Variants in ADAMTS3 observed in about 807,000 individuals in gnomAD.
The protein encoded by ADAMTS3 is ADAM metallopeptidase with thrombospondin type 1 motif 3, also known as A disintegrin and metalloproteinase with thrombospondin motifs 3.
Under a neutral mutation model 129.0 loss-of-function variants are expected in ADAMTS3, and 73 were observed. That is an observed-to-expected ratio of 0.57 (90% CI 0.47 to 0.69). The LOEUF (loss-of-function observed/expected upper bound fraction) is 0.69, where lower values mean the gene tolerates loss of function less well. Ranked by LOEUF, ADAMTS3 falls within the 30% of genes least tolerant of loss-of-function variation. ADAMTS3 has a pLI of 0.00. For synonymous variants in ADAMTS3, 477 were observed against 510.8 expected, an observed-to-expected ratio of 0.93 and a Z score of 0.89; for missense variants, 1,457 against 1,514.5, an observed-to-expected ratio of 0.96 and a Z score of 0.63.
chr4:72,388,090 A>G (rs758317394), intron 4 of ADAMTS3, among the ~76,000 whole-genome samples: 12 of 152,208 alleles, frequency 7.9e-5, no homozygotes, highest in African/African-American at 2.9e-4. Context: ...TTCCATTAGC[A>G]TAAGGTAAAA....
intron 3 of ADAMTS3, among the ~76,000 whole-genome samples, chr4:72,439,441 G>A (rs1489052640): frequency 1.3e-5 from 2 of 151,358 alleles, no homozygotes; most frequent in Non-Finnish European, 3.0e-5. Flanking sequence ...CATGAGTAAG[G>A]CCTTAGTCAA....
chr4:72,553,547 C>G (rs1266041117), intron 2 of ADAMTS3, among the ~76,000 whole-genome samples: 1 of 152,138 alleles, frequency 6.6e-6, no homozygotes, highest in Non-Finnish European at 1.5e-5. Flanking sequence ...GAGCCTTTAA[C>G]CTGCTCCTGC....
rs2109976986 is a variant in ADAMTS3, at chr4:72,456,030, TTAC to T, written c.505-41062_505-41060del. Among the ~76,000 whole-genome samples, 2 of 39,658 alleles carry T rather than the reference TTAC, an allele frequency of 5.0e-5. 1 individual carries two copies. Among genetic ancestry groups the T allele is most frequent in the Non-Finnish European group, 9.2e-5 (2 of 21,664 alleles). 26.0% of individuals were successfully genotyped at this position (39,658 alleles called of 152,430 possible). A position where few individuals can be genotyped will look rare whatever the true frequency, so the allele number is the denominator to read the frequency against. The stretch of plus-strand genomic sequence containing the variant: ...ATAGTATATATACTATATATATATT[TTAC>T]ATATAGTATATATACTATATATATA... On this transcript the variant is annotated intron_variant, in intron 3 of 21. Transcript: ENST00000286657.
In ADAMTS3 at chr4:72,456,049, T is replaced by C. The variant is rs1462684141; in HGVS notation, c.505-41078A>G. On this transcript the variant is annotated intron_variant, in intron 3 of 21. Coordinates refer to ENST00000286657, the MANE Select transcript of ADAMTS3 (RefSeq NM_014243.3). ...TATATTTTACATATAGTATATATAC[T>C]ATATATATATTTTACATATAGTATA... Among the ~76,000 whole-genome samples, 5 of 17,500 alleles carry C rather than the reference T, an allele frequency of 2.9e-4. 1 individual carries two copies. Among genetic ancestry groups the C allele is most frequent in the African/African-American group, 8.7e-4 (5 of 5,744 alleles). 11.5% of individuals were successfully genotyped at this position (17,500 alleles called of 152,430 possible). A position where few individuals can be genotyped will look rare whatever the true frequency, so the allele number is the denominator to read the frequency against.
In ADAMTS3 at chr4:72,490,145, C is replaced by T. The variant is rs140925885; in HGVS notation, c.504+58333G>A. Among the ~76,000 whole-genome samples the T allele has an allele frequency of 3.0e-3, 463 of 151,932 alleles. 5 individuals are homozygous for T. Among genetic ancestry groups the T allele is most frequent in the African/African-American group, 0.011 (447 of 41,478 alleles). ...GAGCACTTTTTCATATACCTATTGG[C>T]CATTTGTTGTCTTCTATTGAGAAAT... On this transcript the variant is annotated intron_variant, in intron 3 of 21. Coordinates refer to ENST00000286657, the MANE Select transcript of ADAMTS3 (RefSeq NM_014243.3).
rs115686389 is a variant in ADAMTS3 at position 72,348,577 on chromosome 4, C to T, written c.662-8884G>A. Among the ~76,000 whole-genome samples the T allele has an allele frequency of 4.5e-3, 691 of 152,036 alleles. 4 individuals carry two copies. The highest frequency in any genetic ancestry group is 0.016 in the African/African-American group (659 of 41,476). On this transcript the variant is annotated intron_variant, in intron 4 of 21. Coordinates refer to ENST00000286657, the MANE Select transcript of ADAMTS3 (RefSeq NM_014243.3). ...TGCCTTTGATGAGGTATCATTCCTA[C>T]GATTATGTTATGTTATATGGTACAA...
At chr4:72,337,924 A>T (rs570718166) in intron 5 of ADAMTS3, among the ~76,000 whole-genome samples, 1 of 152,266 alleles carries the variant, frequency 6.6e-6, no homozygotes, top group South Asian at 2.1e-4. Context: ...TTTGCAAGCC[A>T]AATAAGTCTG....
rs1311203681 is a variant in ADAMTS3 at position 72,530,418 on chromosome 4, T to A, written c.504+18060A>T. ...ACATATATGAATTTAATATATAATA[T>A]ATATTAAATTAATATATGTTAATTT... On this transcript the variant is annotated intron_variant, in intron 3 of 21. Transcript: ENST00000286657. 2.1e-4 allele frequency among the ~76,000 whole-genome samples: 18 copies of A among 84,878 alleles called. No homozygotes were observed. The East Asian group carries it at 6.0e-3, about 28-fold the overall frequency. The allele number at this position is 84,878 out of a possible 152,430, so 55.7% of individuals were successfully genotyped here. A position where few individuals can be genotyped will look rare whatever the true frequency, so the allele number is the denominator to read the frequency against.
At chr4:72,399,616 A>G (rs1242086962) in intron 4 of ADAMTS3, among the ~76,000 whole-genome samples, 3 of 151,998 alleles carry the variant, frequency 2.0e-5, no homozygotes, top group Admixed American at 6.6e-5. Context: ...CCTATTTTAT[A>G]TAATTCTTGG....
At chr4:72,357,504 A>T (rs563111014) in intron 4 of ADAMTS3, among the ~76,000 whole-genome samples, 6 of 152,092 alleles carry the variant, frequency 3.9e-5, no homozygotes, top group Non-Finnish European at 8.8e-5. Context: ...GTTAAGTAAG[A>T]GCAGCCAGAT....
chr4:72,515,899 G>T (rs1161779260), intron 3 of ADAMTS3, among the ~76,000 whole-genome samples: 1 of 152,222 alleles, frequency 6.6e-6, no homozygotes, highest in East Asian at 1.9e-4. Context: ...TTTTAGACAT[G>T]AAGTCCTTGT....
At chr4:72,468,043 G>C (rs1473079612) in intron 3 of ADAMTS3, among the ~76,000 whole-genome samples, 1 of 151,824 alleles carries the variant, frequency 6.6e-6, no homozygotes, top group Non-Finnish European at 1.5e-5. Context: ...CTCAAAATTA[G>C]AATCATATAA....
intron 3 of ADAMTS3, among the ~76,000 whole-genome samples, chr4:72,443,272 C>T (rs1718165305): frequency 6.6e-6 from 1 of 151,702 alleles, no homozygotes; most frequent in Non-Finnish European, 1.5e-5. Context: ...TTACATGGTA[C>T]AACATGTAAT....
At chr4:72,392,736 A>T (rs993929400) in intron 4 of ADAMTS3, among the ~76,000 whole-genome samples, 3 of 151,982 alleles carry the variant, frequency 2.0e-5, no homozygotes, top group Non-Finnish European at 4.4e-5. Flanking sequence ...GGGAATATAA[A>T]TTTTTTCACT....
intron 4 of ADAMTS3, among the ~76,000 whole-genome samples, chr4:72,356,656 A>G (rs1560484815): frequency 6.6e-6 from 1 of 151,880 alleles, no homozygotes; most frequent in Non-Finnish European, 1.5e-5. Context: ...ACAGTAATCT[A>G]CATATTAATT....
chr4:72,461,815 A>T (rs1030785088), intron 3 of ADAMTS3, among the ~76,000 whole-genome samples: 1 of 151,952 alleles, frequency 6.6e-6, no homozygotes, highest in Non-Finnish European at 1.5e-5. Context: ...TCACAGTTTT[A>T]CTAGTAGTAC....
chr4:72,441,227 T>C (rs1718107493), intron 3 of ADAMTS3, among the ~76,000 whole-genome samples: 1 of 151,808 alleles, frequency 6.6e-6, no homozygotes, highest in Admixed American at 6.6e-5. Flanking sequence ...ACCCATATTG[T>C]TGCATGAATC....
At chr4:72,553,169 C>A (rs1399030773) in intron 2 of ADAMTS3, among the ~76,000 whole-genome samples, 1 of 152,114 alleles carries the variant, frequency 6.6e-6, no homozygotes, top group Admixed American at 6.6e-5. Flanking sequence ...GCAAACTGTA[C>A]AAGTCATCTA....
At chr4:72,436,695 T>C (rs1717936777) in intron 3 of ADAMTS3, among the ~76,000 whole-genome samples, 1 of 152,132 alleles carries the variant, frequency 6.6e-6, no homozygotes, top group East Asian at 1.9e-4. Context: ...GATGAGTTCA[T>C]GTCCTTTATA....
Sources: gnomAD v4.1 joint callset for allele counts (sites outside exome capture counted in the v4.1 genomes callset) on GRCh38, gnomAD v4.1.1 for gene constraint, MANE v1.5 for transcripts, NCBI Gene and HGNC (gene_info 2026-07-23, HGNC 2026-07-21) for gene names.